Variants in ATXN1 observed in about 807,000 individuals in gnomAD.
ATXN1 encodes the protein ataxin 1, also known as ataxin-1.
A neutral mutation model predicts 56.4 loss-of-function variants in ATXN1; 8 were observed. That is an observed-to-expected ratio of 0.14 (90% CI 0.08 to 0.26). ATXN1 has a LOEUF of 0.26. Among genes scored for constraint, ATXN1 ranks in the 10% least tolerant of loss-of-function variants. The probability of loss-of-function intolerance (pLI) is 1.00; values close to 1 mark genes in which losing one functional copy is unlikely to be tolerated. For missense variants in ATXN1, 987 were observed against 1,106.5 expected (o/e 0.89, Z 1.53); for synonymous variants, 514 against 494.6 (o/e 1.04, Z -0.52).
chr6:16,334,051 C>T (rs1275764328), intron 6 of ATXN1, among the ~76,000 whole-genome samples: 1 of 152,140 alleles, frequency 6.6e-6, no homozygotes, highest in Non-Finnish European at 1.5e-5. Context: ...TGACGGGGAC[C>T]TCAATTGTTC....
At chr6:16,606,987 A>T (rs888551485) in intron 3 of ATXN1, among the ~76,000 whole-genome samples, 4 of 149,872 alleles carry the variant, frequency 2.7e-5, no homozygotes, top group African/African-American at 9.8e-5. Flanking sequence ...CCCGGGTTCA[A>T]GCGATTCTCC....
intron 2 of ATXN1, among the ~76,000 whole-genome samples, chr6:16,743,807 T>C (rs1030055172): frequency 6.6e-6 from 1 of 152,012 alleles, no homozygotes; most frequent in Non-Finnish European, 1.5e-5. Context: ...AAGAACAACA[T>C]GTCTAAAGGC....
chr6:16,634,377 C>T (rs1444381672), intron 3 of ATXN1, among the ~76,000 whole-genome samples: 1 of 152,104 alleles, frequency 6.6e-6, no homozygotes, highest in Non-Finnish European at 1.5e-5. Flanking sequence ...ATAATACTCC[C>T]TACCTCATAG....
At chr6:16,665,825 C>G (rs1011235171) in intron 2 of ATXN1, among the ~76,000 whole-genome samples, 1 of 152,158 alleles carries the variant, frequency 6.6e-6, no homozygotes, top group African/African-American at 2.4e-5. Flanking sequence ...AGGCAAGAAA[C>G]TGTGAGAAGT....
chr6:16,730,422 G>A (rs1317336429), intron 2 of ATXN1, among the ~76,000 whole-genome samples: 4 of 149,180 alleles, frequency 2.7e-5, no homozygotes, highest in Non-Finnish European at 4.4e-5. Context: ...TCCCTTTATA[G>A]GTAGAAGTTA....
At chr6:16,495,436 A>C (rs1760760122) in intron 5 of ATXN1, among the ~76,000 whole-genome samples, 1 of 152,256 alleles carries the variant, frequency 6.6e-6, no homozygotes, top group Admixed American at 6.5e-5. Context: ...CACAAGTAAC[A>C]GAATTTACCA....
At chr6:16,529,664 G>C (rs1761464295) in intron 4 of ATXN1, among the ~76,000 whole-genome samples, 1 of 152,134 alleles carries the variant, frequency 6.6e-6, no homozygotes, top group Non-Finnish European at 1.5e-5. Context: ...TATTACCTCA[G>C]AGTAGATACA....
At chr6:16,433,540 C>A (rs563853267) in intron 6 of ATXN1, among the ~76,000 whole-genome samples, 3 of 152,192 alleles carry the variant, frequency 2.0e-5, no homozygotes, top group Non-Finnish European at 4.4e-5. Flanking sequence ...CCCTTTGTCA[C>A]GTGCAGCCCA....
chr6:16,426,059 G>A (rs1759146927), intron 6 of ATXN1, among the ~76,000 whole-genome samples: 1 of 152,316 alleles, frequency 6.6e-6, no homozygotes, highest in Non-Finnish European at 1.5e-5. Flanking sequence ...TACTGCCACA[G>A]AGGCAGAGCT....
In ATXN1 at chr6:16,326,700, G is replaced by A; in HGVS notation, c.1611C>T (p.Ala537=). 2 of 1,613,326 alleles carry A rather than the reference G, an allele frequency of 1.2e-6. No homozygotes were observed. The highest frequency in any genetic ancestry group is 1.7e-6 in the Non-Finnish European group (2 of 1,180,000). Residue 537 remains alanine (A), a synonymous_variant, in exon 7 of 8, where the codon GCC becomes GCT. Transcript: ENST00000436367. This position sits in a 1 kb window ranked among gnomAD's most constrained non-coding sequence, Gnocchi z 6.6. ...CTGGGTAGGCGGCCTGGGTGACCAG[G>A]GCCTCAGGGTTGAAGTTCTCGCTCT... is the stretch of plus-strand genomic sequence containing the variant. ...LPKSENFNPE[A]LVTQAAYPAM... is the part of the protein sequence containing the mutation.
chr6:16,321,683 T>C (rs1760656400), intron 7 of ATXN1, among the ~76,000 whole-genome samples: 1 of 152,238 alleles, frequency 6.6e-6, no homozygotes, highest in Admixed American at 6.5e-5. Context: ...ACAGTCTTAA[T>C]GAGGAATTCA....
At chr6:16,492,437 A>C (rs942590988) in intron 5 of ATXN1, among the ~76,000 whole-genome samples, 13 of 152,080 alleles carry the variant, frequency 8.5e-5, no homozygotes, top group African/African-American at 3.1e-4. Flanking sequence ...TAATAACATA[A>C]AAAATAAAAA....
intron 3 of ATXN1, among the ~76,000 whole-genome samples, chr6:16,604,588 C>CTTTT (rs376581013): frequency 3.0e-5 from 4 of 132,696 alleles, no homozygotes; most frequent in African/African-American, 5.5e-5. Context: ...TGTTTCTCTT[C>CTTTT]TTTTTTTTTT....
intron 2 of ATXN1, among the ~76,000 whole-genome samples, chr6:16,674,113 AGTCTGTTT>A (rs1371229319): frequency 3.3e-5 from 5 of 152,108 alleles, no homozygotes; most frequent in African/African-American, 4.8e-5. Flanking sequence ...CCAAGGATTC[AGTCTGTTT>A]GACATTTTAA....
At chr6:16,444,325 A>C (rs1222550672) in intron 6 of ATXN1, among the ~76,000 whole-genome samples, 3 of 152,192 alleles carry the variant, frequency 2.0e-5, no homozygotes, top group Non-Finnish European at 4.4e-5. Flanking sequence ...CCCAGAGCTA[A>C]GGCAAGAAAT....
At chr6:16,754,632 G>A (rs1760832560) in intron 1 of ATXN1, 1 of 152,174 alleles carries the variant, frequency 6.6e-6, no homozygotes, top group South Asian at 2.1e-4. Context: ...TAGCCAAAAT[G>A]TTCTTACTTC....
intron 3 of ATXN1, among the ~76,000 whole-genome samples, chr6:16,648,321 C>T (rs1472649597): frequency 1.3e-5 from 2 of 152,184 alleles, no homozygotes; most frequent in East Asian, 1.9e-4. Context: ...AACATAAGCA[C>T]CTACTATATT....
At chr6:16,371,561 C>G (rs1581720086) in intron 6 of ATXN1, among the ~76,000 whole-genome samples, 3 of 151,520 alleles carry the variant, frequency 2.0e-5, no homozygotes, top group Non-Finnish European at 4.4e-5. Flanking sequence ...CAAGTGTTTT[C>G]TTTTTTTTGA....
intron 3 of ATXN1, among the ~76,000 whole-genome samples, chr6:16,624,335 G>C (rs1242281356): frequency 7.0e-6 from 1 of 141,886 alleles, no homozygotes; most frequent in East Asian, 2.0e-4. Context: ...TGGGGGATGA[G>C]AGCGAGACTT....
Sources: allele counts gnomAD v4.1 joint callset (sites outside exome capture counted in the v4.1 genomes callset), GRCh38; gene constraint gnomAD v4.1.1; non-coding constraint Gnocchi (gnomAD v3.1); transcripts MANE v1.5; gene names NCBI Gene and HGNC (gene_info 2026-07-23, HGNC 2026-07-21).